Variants in GNAL observed in about 807,000 individuals in gnomAD.
The protein encoded by GNAL is G protein subunit alpha L.
In GNAL, 18 loss-of-function variants were observed where a neutral mutation model predicts 55.1. That is an observed-to-expected ratio of 0.33 (90% CI 0.23 to 0.48). The LOEUF (loss-of-function observed/expected upper bound fraction) is 0.48. GNAL is among the 20% of genes least tolerant of loss of function. GNAL has a pLI of 0.99. For missense variants in GNAL, 412 were observed against 614.1 expected (o/e 0.67, Z 3.48); for synonymous variants, 253 against 237.0 (o/e 1.07, Z -0.62).
At chr18:11,768,402 G>C (rs1009609867) in intron 4 of GNAL, among the ~76,000 whole-genome samples, 6 of 152,102 alleles carry the variant, frequency 3.9e-5, no homozygotes, top group Admixed American at 3.9e-4. Context: ...AGGAGTTCGA[G>C]ACCAGCCTGA....
intron 1 of GNAL, among the ~76,000 whole-genome samples, chr18:11,707,746 T>C (rs1019577172): frequency 2.0e-5 from 3 of 152,246 alleles, no homozygotes; most frequent in Non-Finnish European, 4.4e-5. Flanking sequence ...TCCACCTCCA[T>C]TGAAGGCTGT....
chr18:11,857,707 G>A (rs1046404729), intron 5 of GNAL: 32 of 985,274 alleles, frequency 3.2e-5, no homozygotes, highest in East Asian at 1.1e-4. Flanking sequence ...GATATGCTGC[G>A]AGTCTGGGAA....
chr18:11,851,386 G>C (rs2035859501), intron 5 of GNAL: 1 of 1,246,484 alleles, frequency 8.0e-7, no homozygotes, highest in East Asian at 2.6e-5. Flanking sequence ...CACCTGCGCC[G>C]CTCACAGTAG....
intron 11 of GNAL, among the ~76,000 whole-genome samples, chr18:11,880,455 A>G (rs937143116): frequency 7.3e-5 from 11 of 151,616 alleles, no homozygotes; most frequent in African/African-American, 2.7e-4. Flanking sequence ...GACGCCTGTA[A>G]TCTCAGCCAC....
chr18:11,772,962 C>T (rs539042214), intron 4 of GNAL, among the ~76,000 whole-genome samples: 118 of 152,308 alleles, frequency 7.7e-4, no homozygotes, highest in African/African-American at 2.6e-3. Context: ...ATCCTCCCTG[C>T]GGACAGAGGC....
intron 9 of GNAL, among the ~76,000 whole-genome samples, chr18:11,870,334 A>T (rs2036367587): frequency 2.6e-5 from 4 of 152,204 alleles, no homozygotes; most frequent in Admixed American, 2.6e-4. Context: ...CAACCTGGCC[A>T]ATATGGCGAA....
intron 11 of GNAL, among the ~76,000 whole-genome samples, chr18:11,878,090 A>C (rs1312637405): frequency 6.6e-6 from 1 of 152,250 alleles, no homozygotes; most frequent in Non-Finnish European, 1.5e-5. Context: ...AAGACACAAG[A>C]AAATGCTGTT....
intron 4 of GNAL, among the ~76,000 whole-genome samples, chr18:11,761,435 T>G (rs1216203035): frequency 1.3e-5 from 2 of 152,228 alleles, no homozygotes; most frequent in Non-Finnish European, 2.9e-5. Context: ...TCCTGCCTGT[T>G]CTCTGTTACC....
chr18:11,847,226 G>C (rs2035759445), intron 5 of GNAL, among the ~76,000 whole-genome samples: 1 of 151,972 alleles, frequency 6.6e-6, no homozygotes, highest in African/African-American at 2.4e-5. Context: ...ACACCTAATA[G>C]GAAAGCCTGC....
intron 8 of GNAL, 42 bp downstream of exon 8, chr18:11,867,268 T>G: frequency 8.5e-7 from 1 of 1,181,360 alleles, no homozygotes; most frequent in Non-Finnish European, 1.3e-6. Context: ...GAGTGAATTC[T>G]AACACTCAGC....
At chr18:11,694,712 T>C (rs537887536) in intron 1 of GNAL, among the ~76,000 whole-genome samples, 3 of 152,138 alleles carry the variant, frequency 2.0e-5, no homozygotes, top group East Asian at 1.9e-4. Flanking sequence ...GTCTTGAGCA[T>C]GAGGTATGTG....
chr18:11,768,410 T>A (rs866858122), intron 4 of GNAL, among the ~76,000 whole-genome samples: 1 of 152,124 alleles, frequency 6.6e-6, no homozygotes, highest in Middle Eastern at 3.2e-3. Flanking sequence ...GAGACCAGCC[T>A]GACCAACATG....
At chr18:11,820,307 T>G (rs1568041848) in intron 4 of GNAL, among the ~76,000 whole-genome samples, 2 of 152,220 alleles carry the variant, frequency 1.3e-5, no homozygotes, top group Non-Finnish European at 2.9e-5. Flanking sequence ...TGGCGTATTT[T>G]GATCCCTATC....
chr18:11,763,275 G>A (rs569867573), intron 4 of GNAL, among the ~76,000 whole-genome samples: 1 of 152,310 alleles, frequency 6.6e-6, no homozygotes, highest in African/African-American at 2.4e-5. Context: ...TGAACGATTT[G>A]AGAGTTGGTT....
chr18:11,773,106 C>T (rs984260587), intron 4 of GNAL, among the ~76,000 whole-genome samples: 2 of 152,212 alleles, frequency 1.3e-5, no homozygotes, highest in African/African-American at 4.8e-5. Context: ...GGAGCCTTCC[C>T]TGACCTCTGA....
Position 11,752,703 on chromosome 18 carries a change from G to C in GNAL, c.377-150G>C. On this transcript the variant is annotated intron_variant, in intron 1 of 11. Coordinates refer to ENST00000334049, the MANE Select transcript of GNAL (RefSeq NM_182978.4). This position sits in a 1 kb window ranked among gnomAD's most constrained non-coding sequence, Gnocchi z 4.5. ...GCGCACCTCTGGGCCGCGGAGCCCAGACGGCGGCCGGGGCGAGCTCCTCCA... is the reference window on the plus strand; with the variant it reads ...GCGCACCTCTGGGCCGCGGAGCCCACACGGCGGCCGGGGCGAGCTCCTCCA... 8.2e-7 allele frequency: 1 copy of C among 1,216,920 alleles called. No individual in the cohort carries two copies. The highest frequency in any genetic ancestry group is 1.1e-6 in the Non-Finnish European group (1 of 892,130). 75.4% of individuals were successfully genotyped at this position (1,216,920 alleles called of 1,614,324 possible). A position where few individuals can be genotyped will look rare whatever the true frequency, so the allele number is the denominator to read the frequency against.
rs1197718399 is a variant in GNAL, at chr18:11,864,626, C to T, written c.851+20C>T. 7.5e-7 allele frequency: 1 copy of T among 1,331,430 alleles called. No individual in the cohort carries two copies. The highest frequency in any genetic ancestry group is 1.7e-5 in the Admixed American group (1 of 59,674). The allele number at this position is 1,331,430 out of a possible 1,614,324, so 82.5% of individuals were successfully genotyped here. ...CTTCCAGTGAGTATGTTGTTAAGAGCTGCATGGCCCAGGGCCACATGATGT... is the reference window on the plus strand; with the variant it reads ...CTTCCAGTGAGTATGTTGTTAAGAGTTGCATGGCCCAGGGCCACATGATGT... On this transcript the variant is annotated intron_variant, in intron 7 of 11. Coordinates refer to ENST00000334049, the MANE Select transcript of GNAL (RefSeq NM_182978.4).
At chr18:11,758,594 A>T (rs1254779465) in intron 4 of GNAL, among the ~76,000 whole-genome samples, 1 of 152,232 alleles carries the variant, frequency 6.6e-6, no homozygotes, top group East Asian at 1.9e-4. Context: ...TTTCAAATGA[A>T]ATAACACAAA....
At chr18:11,757,775 A>G (rs2033107372) in intron 4 of GNAL, among the ~76,000 whole-genome samples, 2 of 152,172 alleles carry the variant, frequency 1.3e-5, no homozygotes, top group African/African-American at 4.8e-5. Context: ...GTGAGGCCCC[A>G]GGAGGAGCCA....
Sources: allele counts gnomAD v4.1 joint callset (sites outside exome capture counted in the v4.1 genomes callset), GRCh38; gene constraint gnomAD v4.1.1; non-coding constraint Gnocchi (gnomAD v3.1); transcripts MANE v1.5; gene names NCBI Gene and HGNC (gene_info 2026-07-23, HGNC 2026-07-21).